TRIM24: variants seen among roughly 807,000 people sequenced by gnomAD.
The protein encoded by TRIM24 is transcription intermediary factor 1-alpha.
Under a neutral mutation model 123.9 loss-of-function variants are expected in TRIM24, and 29 were observed. The observed-to-expected ratio is 0.23, with a 90% CI of 0.17 to 0.32. TRIM24 has a LOEUF of 0.32. Ranked by LOEUF, TRIM24 falls within the 10% of genes least tolerant of loss-of-function variation. The pLI is 1.00. For missense variants in TRIM24, 932 were observed against 1,295.3 expected (o/e 0.72, Z 4.31); for synonymous variants, 456 against 461.1 (o/e 0.99, Z 0.14).
At chr7:138,545,634 T>C (rs1797087370) in intron 7 of TRIM24, among the ~76,000 whole-genome samples, 1 of 152,204 alleles carries the variant, frequency 6.6e-6, no homozygotes, top group Admixed American at 6.5e-5. Flanking sequence ...ATGTATTCGT[T>C]GTTGGTGTGC....
At chr7:138,535,494 T>C (rs970121655) in intron 6 of TRIM24, among the ~76,000 whole-genome samples, 2 of 152,202 alleles carry the variant, frequency 1.3e-5, no homozygotes, top group African/African-American at 4.8e-5. Context: ...TGGCTAGATA[T>C]GAAATTCTGG....
chr7:138,476,228 G>A (rs1421919529), intron 1 of TRIM24, among the ~76,000 whole-genome samples: 1 of 152,154 alleles, frequency 6.6e-6, no homozygotes, highest in Non-Finnish European at 1.5e-5. Flanking sequence ...GCATATAAGA[G>A]AATATACATT....
chr7:138,586,129 C>T lies in TRIM24; in HGVS notation c.*1178C>T, dbSNP rs764330621. 5.7e-6 allele frequency: 2 copies of T among 352,450 alleles called. No homozygotes were observed. The highest frequency in any genetic ancestry group is 3.8e-5 in the Admixed American group (1 of 26,276). 21.8% of individuals were successfully genotyped at this position (352,450 alleles called of 1,614,324 possible). On this transcript the variant is annotated 3_prime_UTR_variant, in exon 19 of 19. Transcript: ENST00000343526. ...GATAGAGGTACAAAAGACTTATCTT[C>T]TGAGGACAAGCATATTCTTAATGTG...
chr7:138,490,409 C>T (rs180819500), intron 1 of TRIM24, among the ~76,000 whole-genome samples: 1 of 152,262 alleles, frequency 6.6e-6, no homozygotes, highest in Admixed American at 6.5e-5. Flanking sequence ...CGAGGAGCTG[C>T]GATCTTTTGG....
In TRIM24 at chr7:138,540,089, T is replaced by C. The variant is rs138430403; in HGVS notation, c.1143+1286T>C. On this transcript the variant is annotated intron_variant, in intron 7 of 18. Coordinates refer to ENST00000343526, the MANE Select transcript of TRIM24 (RefSeq NM_015905.3). ...TTCTGGGATTACAGGCGTGAACCACTGCACCCAGCTTAAAGAATACTTTAT... is the reference window on the plus strand; with the variant it reads ...TTCTGGGATTACAGGCGTGAACCACCGCACCCAGCTTAAAGAATACTTTAT... Among the ~76,000 whole-genome samples, 651 of 152,296 alleles carry C rather than the reference T, an allele frequency of 4.3e-3. 6 individuals carry two copies. The highest frequency in any genetic ancestry group is 0.015 in the African/African-American group (636 of 41,570).
chr7:138,462,099 A>G (rs892149016), intron 1 of TRIM24, among the ~76,000 whole-genome samples: 1 of 152,164 alleles, frequency 6.6e-6, no homozygotes, highest in Non-Finnish European at 1.5e-5. Context: ...GCCTTGGAAG[A>G]TAGAGATAGT....
intron 9 of TRIM24, among the ~76,000 whole-genome samples, chr7:138,566,495 C>G (rs10236859): frequency 0.018 from 2,775 of 151,968 alleles, 71 homozygotes; most frequent in African/African-American, 0.061. Context: ...TCTCAAAAAA[C>G]AAACAAACAA....
chr7:138,580,863 A>C (rs1236508395), intron 16 of TRIM24, among the ~76,000 whole-genome samples, 169 bp downstream of exon 16: 1 of 152,008 alleles, frequency 6.6e-6, no homozygotes, highest in Non-Finnish European at 1.5e-5. Flanking sequence ...AACTTTCTTT[A>C]AATTAAAAAA....
chr7:138,563,551 G>A (rs1054569799), intron 9 of TRIM24, among the ~76,000 whole-genome samples: 1 of 152,122 alleles, frequency 6.6e-6, no homozygotes, highest in Non-Finnish European at 1.5e-5. Context: ...CTTGGTCACG[G>A]TTAATATACA....
intron 9 of TRIM24, among the ~76,000 whole-genome samples, chr7:138,567,212 G>A (rs1797551950): frequency 6.6e-6 from 1 of 152,128 alleles, no homozygotes. Context: ...ACATGGCCTA[G>A]GTCCAATTCT....
intron 1 of TRIM24, among the ~76,000 whole-genome samples, chr7:138,483,741 G>A (rs1010866296): frequency 1.3e-5 from 2 of 152,198 alleles, no homozygotes; most frequent in African/African-American, 4.8e-5. Flanking sequence ...TAAACAAACA[G>A]GGACTGTGGG....
At chr7:138,534,424 T>C (rs1047167393) in intron 6 of TRIM24, among the ~76,000 whole-genome samples, 4 of 152,176 alleles carry the variant, frequency 2.6e-5, no homozygotes, top group African/African-American at 9.7e-5. Flanking sequence ...TCTTTGTTCT[T>C]ATTGGTTGCA....
intron 1 of TRIM24, among the ~76,000 whole-genome samples, chr7:138,477,492 C>G (rs966667883): frequency 1.3e-5 from 2 of 152,162 alleles, no homozygotes; most frequent in African/African-American, 4.8e-5. Flanking sequence ...AAGTAACTCT[C>G]CCTGCTTCCC....
intron 6 of TRIM24, among the ~76,000 whole-genome samples, chr7:138,531,032 C>A (rs1245648243): frequency 6.6e-6 from 1 of 152,134 alleles, no homozygotes; most frequent in Non-Finnish European, 1.5e-5. Flanking sequence ...TGGCTCACTG[C>A]AGCCTCAAAC....
chr7:138,524,994 T>C (rs1329440041), intron 4 of TRIM24, among the ~76,000 whole-genome samples: 1 of 152,154 alleles, frequency 6.6e-6, no homozygotes, highest in African/African-American at 2.4e-5. Flanking sequence ...CTCTGTAAGC[T>C]TATAAAAACT....
chr7:138,510,901 A>G (rs1330003376), intron 2 of TRIM24, among the ~76,000 whole-genome samples: 2 of 152,214 alleles, frequency 1.3e-5, no homozygotes, highest in African/African-American at 4.8e-5. Context: ...TAAAATCTAT[A>G]AACTTCTATC....
At chr7:138,469,351 G>A (rs760203346) in intron 1 of TRIM24, among the ~76,000 whole-genome samples, 34 of 141,518 alleles carry the variant, frequency 2.4e-4, no homozygotes, top group Non-Finnish European at 3.6e-4. Context: ...TTTTTTTTGA[G>A]ACAGTGTCTC....
intron 2 of TRIM24, among the ~76,000 whole-genome samples, chr7:138,509,612 G>A (rs1444508477): frequency 7.5e-6 from 1 of 132,852 alleles, no homozygotes; most frequent in East Asian, 2.4e-4. Context: ...GGTGAGGCAG[G>A]AAAATTGCTT....
chr7:138,524,427 G>A (rs562563468), intron 4 of TRIM24, among the ~76,000 whole-genome samples: 115 of 152,196 alleles, frequency 7.6e-4, no homozygotes, highest in Non-Finnish European at 1.2e-3. Flanking sequence ...TATTTGAAAT[G>A]TTATAATTCA....
Sources: gnomAD v4.1 joint callset for allele counts (sites outside exome capture counted in the v4.1 genomes callset) on GRCh38, gnomAD v4.1.1 for gene constraint, MANE v1.5 for transcripts, NCBI Gene and HGNC (gene_info 2026-07-23, HGNC 2026-07-21) for gene names.